ZNF346: variants seen among roughly 807,000 people sequenced by gnomAD.
The protein encoded by ZNF346 is zinc finger protein 346, also known as double-stranded RNA-binding zinc finger protein JAZ.
ZNF346 carries 23 observed loss-of-function variants against 33.7 expected under a neutral mutation model. The ratio of observed to expected loss-of-function variants is 0.68; its 90% confidence interval spans 0.49 to 0.97. The LOEUF is 0.97. Among genes scored for constraint, ZNF346 ranks in the 50% least tolerant of loss-of-function variants. ZNF346 has a pLI of 0.00. For synonymous variants in ZNF346, 134 were observed against 142.4 expected (o/e 0.94, Z 0.42); for missense variants, 340 against 371.1 (o/e 0.92, Z 0.69).
At chr5:177,051,160 G>A (rs1229194839) in intron 5 of ZNF346, among the ~76,000 whole-genome samples, 1 of 146,030 alleles carries the variant, frequency 6.8e-6, no homozygotes, top group African/African-American at 2.6e-5. Context: ...TATCTTTCAG[G>A]TTTTCTTTTC....
intron 1 of ZNF346, among the ~76,000 whole-genome samples, chr5:177,031,791 G>T (rs1027077503): frequency 6.6e-6 from 1 of 151,820 alleles, no homozygotes; most frequent in Non-Finnish European, 1.5e-5. Flanking sequence ...ATTCTTCAAT[G>T]TTATTTCTCT....
intron 1 of ZNF346, among the ~76,000 whole-genome samples, chr5:177,025,662 C>G (rs965513681): frequency 6.6e-6 from 1 of 152,290 alleles, no homozygotes; most frequent in African/African-American, 2.4e-5. Flanking sequence ...GCTGACTACC[C>G]ATTTGTAGAT....
intron 2 of ZNF346, among the ~76,000 whole-genome samples, 175 bp from the exon 3 acceptor site, chr5:177,041,603 T>C (rs1288105145): frequency 6.6e-6 from 1 of 152,196 alleles, no homozygotes; most frequent in African/African-American, 2.4e-5. Context: ...ATTGTGAAGA[T>C]TAAATTTGGT....
chr5:177,073,037 C>G (rs1783579454), intron 8 of ZNF346, among the ~76,000 whole-genome samples: 1 of 152,234 alleles, frequency 6.6e-6, no homozygotes, highest in Non-Finnish European at 1.5e-5. Flanking sequence ...GTTGGCTGCC[C>G]TTTGTGTTCC....
intron 4 of ZNF346, among the ~76,000 whole-genome samples, chr5:177,047,030 T>TTTTATTTATTTATTTA (rs140329566): frequency 6.8e-6 from 1 of 147,794 alleles, no homozygotes; most frequent in Admixed American, 6.7e-5. Context: ...TTTTATTTAT[T>TTTTATTTATTTATTTA]TTTATTTATT....
chr5:177,027,233 C>T (rs1337289345), intron 1 of ZNF346, among the ~76,000 whole-genome samples: 4 of 151,308 alleles, frequency 2.6e-5, no homozygotes, highest in East Asian at 2.0e-4. Context: ...TTGTATTTTT[C>T]GTAGAGACGG....
chr5:177,060,019 G>A (rs1038132802), intron 5 of ZNF346, among the ~76,000 whole-genome samples: 2 of 152,320 alleles, frequency 1.3e-5, no homozygotes, highest in Admixed American at 1.3e-4. Context: ...AGTATGGGAC[G>A]TAGTGACGCG....
chr5:177,049,899 C>T (rs1780623041), intron 4 of ZNF346, among the ~76,000 whole-genome samples: 1 of 151,966 alleles, frequency 6.6e-6, no homozygotes, highest in Non-Finnish European at 1.5e-5. Flanking sequence ...TGCAGTGGCG[C>T]AATCTCGGCT....
At chr5:177,031,752 T>C (rs1487263936) in intron 1 of ZNF346, among the ~76,000 whole-genome samples, 2 of 152,170 alleles carry the variant, frequency 1.3e-5, no homozygotes, top group Non-Finnish European at 2.9e-5. Flanking sequence ...GCTTGAAGTT[T>C]TTCCATAATC....
At chr5:177,035,022 CTT>C (rs397966758) in intron 1 of ZNF346, among the ~76,000 whole-genome samples, 5 of 145,340 alleles carry the variant, frequency 3.4e-5, no homozygotes, top group African/African-American at 2.5e-5. Flanking sequence ...CTTTTCTTTT[CTT>C]TTTTTTTTTT....
intron 8 of ZNF346, among the ~76,000 whole-genome samples, chr5:177,073,873 G>C (rs949448165): frequency 1.5e-4 from 23 of 152,102 alleles, no homozygotes; most frequent in Admixed American, 1.3e-3. Context: ...AACTAGTCTT[G>C]TGAGTTGCTT....
At chr5:177,049,162 A>G (rs535331169) in intron 4 of ZNF346, among the ~76,000 whole-genome samples, 1 of 152,150 alleles carries the variant, frequency 6.6e-6, no homozygotes, top group African/African-American at 2.4e-5. Context: ...CAACATGTAC[A>G]TTACTTTTTT....
At chr5:177,024,303 C>G (rs537796634) in intron 1 of ZNF346, among the ~76,000 whole-genome samples, 85 of 141,274 alleles carry the variant, frequency 6.0e-4, no homozygotes, top group Non-Finnish European at 9.6e-4. Context: ...TCAAGCAATT[C>G]TATACTGCCT....
rs1278611873 is a variant in ZNF346 at position 177,061,943 on chromosome 5, C to T, written c.704-115C>T. The T allele has an allele frequency of 6.0e-6, 5 of 838,766 alleles. No individual in the cohort carries two copies. The South Asian group carries it at 6.3e-5, about 11-fold the overall frequency. The allele number at this position is 838,766 out of a possible 1,614,324, so 52.0% of individuals were successfully genotyped here. A position where few individuals can be genotyped will look rare whatever the true frequency, so the allele number is the denominator to read the frequency against. On this transcript the variant is annotated intron_variant, in intron 5 of 6. Coordinates refer to ENST00000358149, the MANE Select transcript of ZNF346 (RefSeq NM_012279.4). ...TCTGGGTTCTCATCAGGGCCAGCAA[C>T]CTCACCTCGCCTCACCTGTCCGTCC...
intron 1 of ZNF346, among the ~76,000 whole-genome samples, chr5:177,034,597 C>T (rs1778215020): frequency 1.3e-5 from 2 of 152,168 alleles, no homozygotes; most frequent in Non-Finnish European, 2.9e-5. Flanking sequence ...CTTCATCGAC[C>T]CTGTGAAAAG....
intron 1 of ZNF346, among the ~76,000 whole-genome samples, chr5:177,024,969 C>T (rs1419020885): frequency 3.3e-5 from 5 of 152,200 alleles, no homozygotes; most frequent in African/African-American, 9.7e-5. Flanking sequence ...ATGTGAGTTA[C>T]AATTTATATA....
chr5:177,038,265 T>TG (rs1452723816), intron 1 of ZNF346, among the ~76,000 whole-genome samples: 10 of 148,576 alleles, frequency 6.7e-5, no homozygotes, highest in African/African-American at 1.7e-4. Context: ...CGTTTTTTTT[T>TG]TTTGTGTGTG....
chr5:177,061,658 T>G (rs1174897481), intron 5 of ZNF346, among the ~76,000 whole-genome samples: 1 of 152,186 alleles, frequency 6.6e-6, no homozygotes, highest in African/African-American at 2.4e-5. Context: ...TCTCACTAAT[T>G]ACTGTTACCG....
chr5:177,067,894 C>T lies in ZNF346; in HGVS notation c.*3295C>T, dbSNP rs1360152090. Among the ~76,000 whole-genome samples, 5 of 152,124 alleles carry T rather than the reference C, an allele frequency of 3.3e-5. No individual in the cohort carries two copies. The highest frequency in any genetic ancestry group is 4.2e-4 in the South Asian group (2 of 4,806). On this transcript the variant is annotated 3_prime_UTR_variant, in exon 7 of 7. Transcript: ENST00000358149. Reference sequence around the variant, plus strand: ...CCAAGGCGGGTGTATCACTTGCGGCCGGGAGTTTAAGACCATCCTGGCCAA... The same window carrying T: ...CCAAGGCGGGTGTATCACTTGCGGCTGGGAGTTTAAGACCATCCTGGCCAA...
Sources: gnomAD v4.1 joint callset for allele counts (sites outside exome capture counted in the v4.1 genomes callset) on GRCh38, gnomAD v4.1.1 for gene constraint, MANE v1.5 for transcripts, NCBI Gene and HGNC (gene_info 2026-07-23, HGNC 2026-07-21) for gene names.